Variants in UBE4B observed in about 807,000 individuals in gnomAD.
The protein encoded by UBE4B is ubiquitin conjugation factor E4 B.
Under a neutral mutation model 148.1 loss-of-function variants are expected in UBE4B, and 27 were observed. That is an observed-to-expected ratio of 0.18 (90% CI 0.13 to 0.25). The LOEUF is 0.25. Ranked by LOEUF, UBE4B falls within the 10% of genes least tolerant of loss-of-function variation. UBE4B has a pLI of 1.00. For missense variants in UBE4B, 1,170 were observed against 1,662.4 expected (o/e 0.70, Z 5.15); for synonymous variants, 596 against 619.3 (o/e 0.96, Z 0.56).
chr1:10,179,883 T>C lies in UBE4B; in HGVS notation c.3848-12T>C. On this transcript the variant is annotated splice_polypyrimidine_tract_variant and intron_variant, in intron 27 of 27. Coordinates refer to ENST00000343090, the MANE Select transcript of UBE4B (RefSeq NM_001105562.3). ...ATCTGGGGCATTAATCCTCCTTTTT[T>C]TCTTTTCTCAGTGCCAGAACTGAAA... 6.2e-7 allele frequency: 1 copy of C among 1,613,698 alleles called. No individual in the cohort carries two copies. Among genetic ancestry groups the C allele is most frequent in the Non-Finnish European group, 8.5e-7 (1 of 1,180,024 alleles).
intron 23 of UBE4B, among the ~76,000 whole-genome samples, chr1:10,167,140 A>G (rs933624612): frequency 1.3e-5 from 2 of 150,298 alleles, no homozygotes; most frequent in African/African-American, 4.9e-5. Context: ...TCAAAAAAAA[A>G]TAACAATAAT....
At chr1:10,121,531 C>G (rs1028722365) in intron 9 of UBE4B, among the ~76,000 whole-genome samples, 1 of 152,086 alleles carries the variant, frequency 6.6e-6, no homozygotes, top group Non-Finnish European at 1.5e-5. Flanking sequence ...GTAGCCAGGA[C>G]TCCAGGCACA....
chr1:10,129,107 GA>G (rs1645549687), intron 11 of UBE4B: 1 of 357,826 alleles, frequency 2.8e-6, no homozygotes, highest in East Asian at 4.2e-5. Flanking sequence ...AAATATATCT[GA>G]AAACTGTTGC....
chr1:10,078,521 T>C (rs1290828201), intron 2 of UBE4B, among the ~76,000 whole-genome samples: 1 of 152,210 alleles, frequency 6.6e-6, no homozygotes, highest in Admixed American at 6.5e-5. Context: ...TCTTCCCCTA[T>C]CTTTAGATGA....
intron 2 of UBE4B, among the ~76,000 whole-genome samples, chr1:10,088,842 C>T (rs1213585175): frequency 1.3e-5 from 2 of 151,958 alleles, no homozygotes; most frequent in Admixed American, 6.6e-5. Context: ...CCATGCCCAA[C>T]TAATTTTTTT....
At chr1:10,110,454 G>A (rs1333448263) in intron 7 of UBE4B, among the ~76,000 whole-genome samples, 1 of 152,002 alleles carries the variant, frequency 6.6e-6, no homozygotes, top group African/African-American at 2.4e-5. Context: ...GAAATAATCT[G>A]TACAGCAAAC....
intron 1 of UBE4B, among the ~76,000 whole-genome samples, chr1:10,069,846 A>G (rs774696643): frequency 6.6e-6 from 1 of 152,136 alleles, no homozygotes; most frequent in East Asian, 1.9e-4. Context: ...ACGGATGTCC[A>G]TTGTGCAGAA....
chr1:10,085,138 T>A (rs1048686541), intron 2 of UBE4B, among the ~76,000 whole-genome samples: 1 of 152,168 alleles, frequency 6.6e-6, no homozygotes, highest in African/African-American at 2.4e-5. Context: ...AGCCTTAACA[T>A]TAAGCCCTAG....
At chr1:10,165,062 G>A (rs1269286353) in intron 23 of UBE4B, among the ~76,000 whole-genome samples, 1 of 152,026 alleles carries the variant, frequency 6.6e-6, no homozygotes, top group Non-Finnish European at 1.5e-5. Flanking sequence ...GTATACCAAG[G>A]CATTAAATAC....
In UBE4B at chr1:10,106,202, A is replaced by G. The variant is rs768868657; in HGVS notation, c.815A>G (p.Tyr272Cys). 5.0e-6 allele frequency: 8 copies of G among 1,594,844 alleles called. No homozygotes were observed. The South Asian group carries it at 5.6e-5, about 11-fold the overall frequency. ...CCCTTTCTCAACTAATTTAGCCTCT[A>G]TGAAAGTAGTCCGGCTCCCACTCCC... ...SFGASSLSSL[Y>C]ESSPAPTPSF... The change falls in exon 7 of 28, where the codon TAT becomes TGT. Residue 272 changes from tyrosine to cysteine, a missense_variant. Tyr to Cys is a radical substitution (Grantham distance 194). This residue lies in a region of UBE4B where 214 missense variants were observed against 209.1 expected (regional missense o/e 1.02). Coordinates refer to ENST00000343090, the MANE Select transcript of UBE4B (RefSeq NM_001105562.3). The surrounding 1 kb of genome is among the most constrained non-coding windows in gnomAD (Gnocchi z 4.2).
At chr1:10,144,876 A>G in intron 17 of UBE4B, 64 bp from the exon 18 acceptor site, 1 of 1,226,320 alleles carries the variant, frequency 8.2e-7, no homozygotes, top group Non-Finnish European at 1.2e-6. Flanking sequence ...TGAAATGAGC[A>G]AGATGAATGG....
chr1:10,061,936 G>A (rs1283096272), intron 1 of UBE4B, among the ~76,000 whole-genome samples: 70 of 148,642 alleles, frequency 4.7e-4, no homozygotes, highest in African/African-American at 1.7e-3. Flanking sequence ...TTTGAGACGA[G>A]GTCTCGCTCT....
At chr1:10,162,880 G>A (rs1162992427) in intron 23 of UBE4B, among the ~76,000 whole-genome samples, 3 of 151,876 alleles carry the variant, frequency 2.0e-5, no homozygotes, top group Non-Finnish European at 4.4e-5. Context: ...TTCTTCTTAT[G>A]TATTAAAGTT....
intron 2 of UBE4B, among the ~76,000 whole-genome samples, chr1:10,077,793 T>C (rs528330219): frequency 1.9e-4 from 29 of 152,308 alleles, no homozygotes; most frequent in African/African-American, 6.7e-4. Context: ...AAAAAAGTTA[T>C]TATATAAAAT....
chr1:10,074,166 G>C (rs556165702), intron 2 of UBE4B, among the ~76,000 whole-genome samples: 1 of 152,046 alleles, frequency 6.6e-6, no homozygotes, highest in East Asian at 1.9e-4. Context: ...ACCTCCATCA[G>C]CCTCAGTCAT....
intron 2 of UBE4B, among the ~76,000 whole-genome samples, chr1:10,093,314 A>G (rs1044389914): frequency 6.6e-6 from 1 of 152,172 alleles, no homozygotes; most frequent in Non-Finnish European, 1.5e-5. Flanking sequence ...TATTCCTTCA[A>G]TAAGTATTTT....
At chr1:10,179,186 TCTC>T in intron 26 of UBE4B, 2 of 568,464 alleles carry the variant, frequency 3.5e-6, no homozygotes, top group Non-Finnish European at 6.0e-6. Context: ...CAGGCTTTCT[TCTC>T]TGTTCCCTCC....
At position 10,064,976 on chromosome 1, in the gene UBE4B, C is replaced by G. The variant is rs188029568; in HGVS notation, c.25-7052C>G. Among the ~76,000 whole-genome samples, 105 of 152,208 alleles carry G rather than the reference C, an allele frequency of 6.9e-4. 1 individual carries two copies. Among genetic ancestry groups the G allele is most frequent in the Admixed American group, 3.2e-3 (49 of 15,280 alleles). ...GTGAGGTTTCACCATGTTGACCAGA[C>G]TGGTCTTGAACTCCTGACCTCAAGT... On this transcript the variant is annotated intron_variant, in intron 1 of 27. Coordinates refer to ENST00000343090, the MANE Select transcript of UBE4B (RefSeq NM_001105562.3).
chr1:10,105,278 C>T (rs542305780), intron 5 of UBE4B, among the ~76,000 whole-genome samples: 1 of 152,234 alleles, frequency 6.6e-6, no homozygotes, highest in African/African-American at 2.4e-5. Flanking sequence ...ATATACTTTA[C>T]CCAGTTTCCC....
Sources: allele counts gnomAD v4.1 joint callset (sites outside exome capture counted in the v4.1 genomes callset), GRCh38; gene constraint gnomAD v4.1.1; regional missense constraint gnomAD v4.1.1; non-coding constraint Gnocchi (gnomAD v3.1); transcripts MANE v1.5; gene names NCBI Gene and HGNC (gene_info 2026-07-23, HGNC 2026-07-21).